EFNB3: variants seen among roughly 807,000 people sequenced by gnomAD.
The protein encoded by EFNB3 is ephrin-B3.
EFNB3 carries 14 observed loss-of-function variants against 29.8 expected under a neutral mutation model. The ratio of observed to expected loss-of-function variants is 0.47; its 90% CI spans 0.31 to 0.73. The LOEUF (loss-of-function observed/expected upper bound fraction) is 0.73, where lower values mean the gene tolerates loss of function less well. EFNB3 is among the 30% of genes least tolerant of loss of function. EFNB3 has a pLI of 0.05. For synonymous variants in EFNB3, 216 were observed against 191.6 expected, an observed-to-expected ratio of 1.13 and a Z score of -1.05; for missense variants, 408 against 458.0, an observed-to-expected ratio of 0.89 and a Z score of 1.00.
In EFNB3 at chr17:7,709,780, T is replaced by G; in HGVS notation, c.*204T>G. 1.6e-6 allele frequency: 1 copy of G among 636,148 alleles called. No individual in the cohort carries two copies. Among genetic ancestry groups the G allele is most frequent in the East Asian group, 2.8e-5 (1 of 35,356 alleles). The allele number at this position is 636,148 out of a possible 1,614,324, so 39.4% of individuals were successfully genotyped here. A position where few individuals can be genotyped will look rare whatever the true frequency, so the allele number is the denominator to read the frequency against. ...CACTTCCTGCCCTCCCGTTTGGCCATGGGTGCCCCCCTCTGTCTCAGTGTC... is the reference window on the plus strand; with the variant it reads ...CACTTCCTGCCCTCCCGTTTGGCCAGGGGTGCCCCCCTCTGTCTCAGTGTC... On this transcript the variant is annotated 3_prime_UTR_variant, in exon 5 of 5. Coordinates refer to ENST00000226091, the MANE Select transcript of EFNB3 (RefSeq NM_001406.4). The surrounding 1 kb of genome is among the most constrained non-coding windows in gnomAD (Gnocchi z 4.5).
chr17:7,710,310 GAGA>G lies in EFNB3; in HGVS notation c.*740_*742del, dbSNP rs1467934956. ...GTGGTTGGGTCATGACAGCTACCAT[GAGA>G]AGAAGTGTCCCGTTTTGTCCAGTGG... On this transcript the variant is annotated 3_prime_UTR_variant, in exon 5 of 5. Transcript: ENST00000226091. 3.3e-5 allele frequency: 5 copies of G among 153,124 alleles called. No homozygotes were observed. In the East Asian group the frequency reaches 9.6e-4, roughly 29 times the overall value. 9.5% of individuals were successfully genotyped at this position (153,124 alleles called of 1,614,324 possible).
Position 7,708,082 on chromosome 17 carries a change from C to G in EFNB3, c.247C>G (p.Leu83Val). 1 of 1,614,136 alleles carries G rather than the reference C, an allele frequency of 6.2e-7. No individual in the cohort carries two copies. Among genetic ancestry groups the G allele is most frequent in the Non-Finnish European group, 8.5e-7 (1 of 1,180,018 alleles). ...SPNYEFYKLYLVGGAQGRRCE... is the reference protein window; with the variant it reads ...SPNYEFYKLYVVGGAQGRRCE... ...TAATTATGAGTTCTACAAGCTGTAC[C>G]TGGTAGGGGGTGCTCAGGGCCGGCG... Residue 83 changes from leucine (L) to valine (V), a missense_variant, in exon 2 of 5, where the codon CTG (leucine) becomes GTG (valine). Around this residue, in one of 3 missense-constraint regions of EFNB3, gnomAD observed 128 missense variants for 140.8 expected, o/e 0.91. Coordinates refer to ENST00000226091, the MANE Select transcript of EFNB3 (RefSeq NM_001406.4). This position sits in a 1 kb window ranked among gnomAD's most constrained non-coding sequence, Gnocchi z 6.8.
In EFNB3 at chr17:7,709,124, T is replaced by C. The variant is rs2074338887; in HGVS notation, c.614-43T>C. On this transcript the variant is annotated intron_variant, in intron 4 of 4. Transcript: ENST00000226091. The surrounding 1 kb of genome is among the most constrained non-coding windows in gnomAD (Gnocchi z 4.5). ...GTGTCCAGGTGCCCAGGTGGCTCCT[T>C]CAGTCCCTCCCCCTCTTTCCTCCTT... 1.9e-6 allele frequency: 3 copies of C among 1,578,794 alleles called. No homozygotes were observed. The highest frequency in any genetic ancestry group is 2.7e-5 in the African/African-American group (2 of 73,556).
chr17:7,707,757 C>T (rs2074332272), intron 1 of EFNB3, among the ~76,000 whole-genome samples: 1 of 152,122 alleles, frequency 6.6e-6, no homozygotes, highest in Admixed American at 6.5e-5. Flanking sequence ...GACCCCTGAG[C>T]CTGGCTTCCT....
Position 7,708,711 on chromosome 17 carries a change from C to A in EFNB3, c.585C>A (p.Ser195Arg). The change falls in exon 4 of 5, where the codon AGC (serine) becomes AGA (arginine). Residue 195 changes from serine to arginine, a missense_variant. This residue lies in a region of EFNB3 where 233 missense variants were observed against 230.7 expected (regional missense o/e 1.01). Transcript: ENST00000226091. The surrounding 1 kb of genome is among the most constrained non-coding windows in gnomAD (Gnocchi z 6.8). ...AAAGAGACCGAGGGGCAGCCCACAG[C>A]CTGGAGCCTGGGAAGGAGAACCTGC... Reference protein sequence around the residue: ...PMERDRGAAHSLEPGKENLPG... With the variant: ...PMERDRGAAHRLEPGKENLPG... 1 of 1,571,068 alleles carries A rather than the reference C, an allele frequency of 6.4e-7. No homozygotes were observed. Among genetic ancestry groups the A allele is most frequent in the African/African-American group, 1.4e-5 (1 of 73,950 alleles).
chr17:7,707,095 A>G (rs1757068457), intron 1 of EFNB3, among the ~76,000 whole-genome samples: 1 of 152,100 alleles, frequency 6.6e-6, no homozygotes, highest in African/African-American at 2.4e-5. Context: ...CTGGGAAGAT[A>G]TCAAGTAGCA....
rs138255755 is a variant in EFNB3, at chr17:7,705,674, T to A, written c.76T>A (p.Ser26Thr). The A allele has an allele frequency of 6.5e-7, 1 of 1,536,366 alleles. No individual in the cohort carries two copies. Among genetic ancestry groups the A allele is most frequent in the Non-Finnish European group, 8.7e-7 (1 of 1,152,920 alleles). ...GCTGCTGGGGGTTTTGGGGCTGGTGTCTGGGCTCAGCCTGGAGCCTGTCTA... is the reference window on the plus strand; with the variant it reads ...GCTGCTGGGGGTTTTGGGGCTGGTGACTGGGCTCAGCCTGGAGCCTGTCTA... Reference protein sequence around the residue: ...LLLLGVLGLVSGLSLEPVYWN... With the variant: ...LLLLGVLGLVTGLSLEPVYWN... The change falls in exon 1 of 5, where the codon TCT (serine) becomes ACT (threonine). Residue 26 changes from serine to threonine, a missense_variant. Physicochemically the swap from Ser to Thr is moderately conservative, Grantham distance 58. Coordinates refer to ENST00000226091, the MANE Select transcript of EFNB3 (RefSeq NM_001406.4). The surrounding 1 kb of genome is among the most constrained non-coding windows in gnomAD (Gnocchi z 5.4).
At chr17:7,706,012 G>A (rs1410946937) in intron 1 of EFNB3, among the ~76,000 whole-genome samples, 2 of 151,218 alleles carry the variant, frequency 1.3e-5, no homozygotes, top group Non-Finnish European at 1.5e-5. Flanking sequence ...TTGGATCTGT[G>A]GGAGGCCTGC....
rs1278946082 is a variant in EFNB3 at position 7,710,380 on chromosome 17, G to A, written c.*804G>A. On this transcript the variant is annotated 3_prime_UTR_variant, in exon 5 of 5. Coordinates refer to ENST00000226091, the MANE Select transcript of EFNB3 (RefSeq NM_001406.4). Reference sequence around the variant, plus strand: ...AACCGGTCGGGACATGTATGGACTTGGTCTGATGCTGAATGGGCCACTTGG... The same window carrying A: ...AACCGGTCGGGACATGTATGGACTTAGTCTGATGCTGAATGGGCCACTTGG... The A allele has an allele frequency of 6.5e-6, 1 of 152,708 alleles. No individual in the cohort carries two copies. The highest frequency in any genetic ancestry group is 6.5e-5 in the Admixed American group (1 of 15,270). The allele number at this position is 152,708 out of a possible 1,614,324, so 9.5% of individuals were successfully genotyped here.
Position 7,709,903 on chromosome 17 carries a change from C to T in EFNB3, c.*327C>T, listed in dbSNP as rs372108937. ...CCCCTCACCCACCCAGAGCTAGGGGCGGGAACAGCCCACCTTTTGGTTGGC... is the reference window on the plus strand; with the variant it reads ...CCCCTCACCCACCCAGAGCTAGGGGTGGGAACAGCCCACCTTTTGGTTGGC... On this transcript the variant is annotated 3_prime_UTR_variant, in exon 5 of 5. Transcript: ENST00000226091. The surrounding 1 kb of genome is among the most constrained non-coding windows in gnomAD (Gnocchi z 4.5). 1.2e-4 allele frequency: 52 copies of T among 446,864 alleles called. No individual in the cohort carries two copies. The East Asian group carries it at 2.2e-3, about 19-fold the overall frequency. The allele number at this position is 446,864 out of a possible 1,614,324, so 27.7% of individuals were successfully genotyped here.
Position 7,709,242 on chromosome 17 carries a change from G to C in EFNB3, c.689G>C (p.Gly230Ala). 6.3e-7 allele frequency: 1 copy of C among 1,596,402 alleles called. No homozygotes were observed. The highest frequency in any genetic ancestry group is 8.5e-7 in the Non-Finnish European group (1 of 1,175,400). Residue 230 changes from glycine to alanine, a missense_variant, in exon 5 of 5, where the codon GGG becomes GCG. By Grantham distance (60) the Gly-to-Ala change is moderately conservative. Transcript: ENST00000226091. This position sits in a 1 kb window ranked among gnomAD's most constrained non-coding sequence, Gnocchi z 4.5. The stretch of plus-strand genomic sequence containing the variant: ...CCTCCCAGCATGCCTGCAGTGGCTG[G>C]GGCAGCAGGGGGGCTGGCGCTGCTC... ...LPPPSMPAVA[G>A]AAGGLALLLL...
chr17:7,709,342 C>T lies in EFNB3; in HGVS notation c.789C>T (p.His263=). The change falls in exon 5 of 5, where the codon CAC becomes CAT. Residue 263 remains histidine, a synonymous_variant. Transcript: ENST00000226091. This position sits in a 1 kb window ranked among gnomAD's most constrained non-coding sequence, Gnocchi z 4.5. ...GGGCCAAGCCTTCGGAGAGTCGCCA[C>T]CCTGGTCCTGGCTCCTTCGGGAGGG... ...RRRAKPSESR[H]PGPGSFGRGG... is the part of the protein sequence containing the mutation. 1 of 1,573,852 alleles carries T rather than the reference C, an allele frequency of 6.4e-7. No individual in the cohort carries two copies. The highest frequency in any genetic ancestry group is 8.6e-7 in the Non-Finnish European group (1 of 1,160,856).
In EFNB3 at chr17:7,705,474, G is replaced by A; in HGVS notation, c.-125G>A. ...GGCACAGCAGGAAGCAGGTCCGCGTGGGCGCTGGGGGCATCAGCTACCGGG... is the reference window on the plus strand; with the variant it reads ...GGCACAGCAGGAAGCAGGTCCGCGTAGGCGCTGGGGGCATCAGCTACCGGG... On this transcript the variant is annotated 5_prime_UTR_variant, in exon 1 of 5. Transcript: ENST00000226091. This position sits in a 1 kb window ranked among gnomAD's most constrained non-coding sequence, Gnocchi z 5.4. 1.9e-6 allele frequency: 1 copy of A among 536,298 alleles called. No individual in the cohort carries two copies. The highest frequency in any genetic ancestry group is 4.4e-5 in the Admixed American group (1 of 22,988). The allele number at this position is 536,298 out of a possible 1,614,324, so 33.2% of individuals were successfully genotyped here. A position where few individuals can be genotyped will look rare whatever the true frequency, so the allele number is the denominator to read the frequency against.
At chr17:7,706,005 G>T (rs1240362474) in intron 1 of EFNB3, among the ~76,000 whole-genome samples, 1 of 151,312 alleles carries the variant, frequency 6.6e-6, no homozygotes, top group Admixed American at 6.6e-5. Context: ...TGGGTATTTG[G>T]ATCTGTGGGA....
At position 7,708,003 on chromosome 17, in the gene EFNB3, C is replaced by G; in HGVS notation, c.168C>G (p.Asp56Glu). ...ATGTGCTGTACCCTCAGATCGGGGA[C>G]CGGCTAGACCTGCTCTGCCCCCGGG... Reference protein sequence around the residue: ...GGYVLYPQIGDRLDLLCPRAR... With the variant: ...GGYVLYPQIGERLDLLCPRAR... Residue 56 changes from aspartate to glutamate, a missense_variant, in exon 2 of 5, where the codon GAC (aspartate) becomes GAG (glutamate). Asp to Glu is a conservative substitution (Grantham distance 45). Coordinates refer to ENST00000226091, the MANE Select transcript of EFNB3 (RefSeq NM_001406.4). The surrounding 1 kb of genome is among the most constrained non-coding windows in gnomAD (Gnocchi z 6.8). The G allele has an allele frequency of 6.2e-7, 1 of 1,613,970 alleles. No homozygotes were observed. The highest frequency in any genetic ancestry group is 8.5e-7 in the Non-Finnish European group (1 of 1,179,972).
chr17:7,709,360 C>T lies in EFNB3; in HGVS notation c.807C>T (p.Phe269=), dbSNP rs199520559. The T allele has an allele frequency of 2.8e-4, 321 of 1,162,028 alleles. No homozygotes were observed. The highest frequency in any genetic ancestry group is 2.1e-3 in the African/African-American group (120 of 57,644). 72.0% of individuals were successfully genotyped at this position (1,162,028 alleles called of 1,614,324 possible). ...GTCGCCACCCTGGTCCTGGCTCCTT[C>T]GGGAGGGGAGGGTCTCTGGGCCTGG... ...SESRHPGPGS[F]GRGGSLGLGG... is the part of the protein sequence containing the mutation. The change falls in exon 5 of 5, where the codon TTC becomes TTT. Residue 269 remains phenylalanine (F), a synonymous_variant. Transcript: ENST00000226091. The surrounding 1 kb of genome is among the most constrained non-coding windows in gnomAD (Gnocchi z 4.5).
Position 7,705,765 on chromosome 17 carries a change from G to T in EFNB3, c.122+45G>T, listed in dbSNP as rs764860221. ...GGAGATCCCAGACCCTAGGGCAGTG[G>T]GTAGGGAAGCTCTGGGGGCTTGGAG... On this transcript the variant is annotated intron_variant, in intron 1 of 4. Transcript: ENST00000226091. This position sits in a 1 kb window ranked among gnomAD's most constrained non-coding sequence, Gnocchi z 5.4. The T allele has an allele frequency of 6.6e-7, 1 of 1,520,522 alleles. No homozygotes were observed. The highest frequency in any genetic ancestry group is 8.7e-7 in the Non-Finnish European group (1 of 1,149,614). 94.2% of individuals were successfully genotyped at this position (1,520,522 alleles called of 1,614,324 possible).
Position 7,710,958 on chromosome 17 carries a change from T to C in EFNB3, c.*1382T>C, listed in dbSNP as rs906325827. The C allele has an allele frequency of 6.5e-6, 1 of 152,688 alleles. No individual in the cohort carries two copies. Among genetic ancestry groups the C allele is most frequent in the Admixed American group, 6.5e-5 (1 of 15,284 alleles). The allele number at this position is 152,688 out of a possible 1,614,324, so 9.5% of individuals were successfully genotyped here. On this transcript the variant is annotated 3_prime_UTR_variant, in exon 5 of 5. Transcript: ENST00000226091. Reference sequence around the variant, plus strand: ...TTTCAGACTCAACACAGTTCCCTTCTTAGTGACCAAAATGGTGGCCTACTG... The same window carrying C: ...TTTCAGACTCAACACAGTTCCCTTCCTAGTGACCAAAATGGTGGCCTACTG...
Position 7,709,493 on chromosome 17 carries a change from G to T in EFNB3, c.940G>T (p.Val314Leu), listed in dbSNP as rs775709769. The T allele has an allele frequency of 1.5e-5, 24 of 1,613,752 alleles. No individual in the cohort carries two copies. The South Asian group carries it at 2.6e-4, about 18-fold the overall frequency. Residue 314 changes from valine to leucine, a missense_variant, in exon 5 of 5, where the codon GTG (valine) becomes TTG (leucine). Physicochemically the swap from Val to Leu is conservative, Grantham distance 32. Coordinates refer to ENST00000226091, the MANE Select transcript of EFNB3 (RefSeq NM_001406.4). This position sits in a 1 kb window ranked among gnomAD's most constrained non-coding sequence, Gnocchi z 4.5. ...DPPFCPHYEKVSGDYGHPVYI... is the reference protein window; with the variant it reads ...DPPFCPHYEKLSGDYGHPVYI... ...CCCCTTCTGCCCCCACTATGAGAAG[G>T]TGAGTGGTGACTATGGGCATCCTGT...
Sources: allele counts gnomAD v4.1 joint callset (sites outside exome capture counted in the v4.1 genomes callset), GRCh38; gene constraint gnomAD v4.1.1; regional missense constraint gnomAD v4.1.1; non-coding constraint Gnocchi (gnomAD v3.1); transcripts MANE v1.5; gene names NCBI Gene and HGNC (gene_info 2026-07-23, HGNC 2026-07-21).